Variants in NCS1 observed in about 807,000 individuals in gnomAD.
NCS1 encodes neuronal calcium sensor 1, also known as frequenin homolog.
NCS1 carries 6 observed loss-of-function variants against 28.4 expected under a neutral mutation model. That is an observed-to-expected ratio of 0.21 (90% CI 0.12 to 0.42). NCS1 has a LOEUF of 0.42. NCS1 is among the 10% of genes least tolerant of loss of function. The pLI is 1.00. For synonymous variants in NCS1, 86 were observed against 99.3 expected, an observed-to-expected ratio of 0.87 and a Z score of 0.79; for missense variants, 131 against 241.4, an observed-to-expected ratio of 0.54 and a Z score of 3.03.
intron 1 of NCS1, among the ~76,000 whole-genome samples, chr9:130,183,686 CCTTT>C (rs782634134): frequency 3.2e-4 from 48 of 151,554 alleles, no homozygotes; most frequent in African/African-American, 7.3e-4. Context: ...TTTCTTCCTT[CCTTT>C]CTTTCTTTTT....
Position 130,209,633 on chromosome 9 carries a change from G to C in NCS1, c.90-8199G>C, listed in dbSNP as rs1179997375. 1.3e-5 allele frequency among the ~76,000 whole-genome samples: 2 copies of C among 152,192 alleles called. No homozygotes were observed. Among genetic ancestry groups the C allele is most frequent in the Non-Finnish European group, 2.9e-5 (2 of 68,026 alleles). ...TCACCCAGCCTGGCGCCGTGTTGGG[G>C]AAGAGAAGGTGGGAGGTGTGGGAGG... On this transcript the variant is annotated intron_variant, in intron 2 of 7. Transcript: ENST00000372398. This position sits in a 1 kb window ranked among gnomAD's most constrained non-coding sequence, Gnocchi z 4.4.
intron 7 of NCS1, among the ~76,000 whole-genome samples, chr9:130,227,104 A>G (rs1833427012): frequency 6.6e-6 from 1 of 151,898 alleles, no homozygotes; most frequent in African/African-American, 2.4e-5. Flanking sequence ...ATTAGTTCCC[A>G]ACCAGGGCCA....
chr9:130,229,561 C>T (rs999144510), intron 7 of NCS1, among the ~76,000 whole-genome samples: 3 of 152,064 alleles, frequency 2.0e-5, no homozygotes, highest in Admixed American at 6.6e-5. Context: ...CCAATATTTC[C>T]ATCATAGAAA....
chr9:130,200,694 C>T (rs944009128), intron 1 of NCS1: 5 of 1,544,338 alleles, frequency 3.2e-6, no homozygotes, highest in Non-Finnish European at 4.4e-6. Context: ...TGGGGGCTCT[C>T]CCAGCAGCGG....
intron 2 of NCS1, among the ~76,000 whole-genome samples, chr9:130,211,044 G>A (rs1405325179): frequency 3.6e-5 from 5 of 139,546 alleles, no homozygotes. Flanking sequence ...AGAGAGATGG[G>A]GTCTTGCTAT....
chr9:130,188,295 C>A (rs1832766580), intron 1 of NCS1, among the ~76,000 whole-genome samples: 1 of 152,238 alleles, frequency 6.6e-6, no homozygotes, highest in Non-Finnish European at 1.5e-5. Flanking sequence ...GCAGCCTCTC[C>A]TGGAAAGCTC....
At chr9:130,207,994 G>A (rs907327336) in intron 2 of NCS1, among the ~76,000 whole-genome samples, 4 of 152,202 alleles carry the variant, frequency 2.6e-5, no homozygotes, top group East Asian at 1.9e-4. Context: ...CCAATTCACC[G>A]TCGTGGAAGA....
At chr9:130,212,401 G>A (rs571097183) in intron 2 of NCS1, among the ~76,000 whole-genome samples, 235 of 151,518 alleles carry the variant, frequency 1.6e-3, no homozygotes, top group Non-Finnish European at 2.8e-3. Flanking sequence ...GGCAGAGGCT[G>A]GAGATGCTGC....
At chr9:130,204,276 T>C (rs1554907816) in intron 2 of NCS1, among the ~76,000 whole-genome samples, 4 of 152,032 alleles carry the variant, frequency 2.6e-5, no homozygotes, top group African/African-American at 9.6e-5. Flanking sequence ...GGATTACATA[T>C]ATTTAAATTA....
intron 4 of NCS1, among the ~76,000 whole-genome samples, chr9:130,221,407 TATATATAGAG>T (rs1395518589): frequency 2.5e-3 from 108 of 42,676 alleles, no homozygotes; most frequent in African/African-American, 6.6e-3. Flanking sequence ...TATATATATA[TATATATAGAG>T]AGAGAGAGAG....
intron 2 of NCS1, among the ~76,000 whole-genome samples, chr9:130,210,494 T>G (rs1472782574): frequency 6.6e-6 from 1 of 151,928 alleles, no homozygotes; most frequent in Non-Finnish European, 1.5e-5. Context: ...TTGGGACAGC[T>G]GGTGGGACGA....
intron 2 of NCS1, among the ~76,000 whole-genome samples, chr9:130,212,877 A>G (rs2131146085): frequency 6.6e-6 from 1 of 152,216 alleles, no homozygotes; most frequent in East Asian, 1.9e-4. Flanking sequence ...GATGGGTGGC[A>G]CGTCAGGCTG....
chr9:130,178,354 C>G (rs1309197400), intron 1 of NCS1, among the ~76,000 whole-genome samples: 1 of 152,234 alleles, frequency 6.6e-6, no homozygotes, highest in Non-Finnish European at 1.5e-5. Flanking sequence ...CCCTTTCTGC[C>G]TCCTTGGGCT....
At chr9:130,190,032 A>AGAGAGAG (rs1554906086) in intron 1 of NCS1, among the ~76,000 whole-genome samples, 1 of 120,470 alleles carries the variant, frequency 8.3e-6, no homozygotes, top group Admixed American at 8.8e-5. Context: ...ATGTTTATGC[A>AGAGAGAG]AGAGAGAGAG....
intron 2 of NCS1, among the ~76,000 whole-genome samples, chr9:130,212,630 C>G (rs1227847708): frequency 6.6e-6 from 1 of 151,328 alleles, no homozygotes; most frequent in Non-Finnish European, 1.5e-5. Context: ...AGCACCAGAG[C>G]AGGTCTGGCG....
intron 2 of NCS1, among the ~76,000 whole-genome samples, chr9:130,202,914 A>T (rs1246605099): frequency 6.6e-6 from 1 of 151,940 alleles, no homozygotes; most frequent in Non-Finnish European, 1.5e-5. Context: ...CTAGGGGTTA[A>T]CAGAGCTCAT....
chr9:130,204,465 A>G (rs994810468), intron 2 of NCS1, among the ~76,000 whole-genome samples: 20 of 151,816 alleles, frequency 1.3e-4, no homozygotes, highest in African/African-American at 4.6e-4. Flanking sequence ...GTTATTTAAA[A>G]AATTTTACTG....
At chr9:130,199,316 A>T (rs1253677343) in intron 1 of NCS1, among the ~76,000 whole-genome samples, 1 of 152,142 alleles carries the variant, frequency 6.6e-6, no homozygotes, top group Non-Finnish European at 1.5e-5. Flanking sequence ...GATGGTCTCG[A>T]TCTCCTGACC....
At chr9:130,189,879 A>AAAAAAATATATATATAT (rs1554906056) in intron 1 of NCS1, among the ~76,000 whole-genome samples, 1 of 37,750 alleles carries the variant, frequency 2.6e-5, no homozygotes, top group African/African-American at 1.2e-4. Context: ...AAAAAAAAAA[A>AAAAAAATATATATATAT]ATATATATAT....
Sources: gnomAD v4.1 joint callset for allele counts (sites outside exome capture counted in the v4.1 genomes callset) on GRCh38, gnomAD v4.1.1 for gene constraint, Gnocchi (gnomAD v3.1) non-coding constraint, MANE v1.5 for transcripts, NCBI Gene and HGNC (gene_info 2026-07-23, HGNC 2026-07-21) for gene names.